Variants in USP7 observed in about 807,000 individuals in gnomAD.
USP7 encodes ubiquitin C-terminal hydrolase 7.
Under a neutral mutation model 162.9 loss-of-function variants are expected in USP7, and 9 were observed. That is an observed-to-expected ratio of 0.06 (90% CI 0.03 to 0.10). USP7 has a LOEUF of 0.10. Among genes scored for constraint, USP7 ranks in the 10% least tolerant of loss-of-function variants. USP7 has a pLI of 1.00. For missense variants in USP7, 715 were observed against 1,373.7 expected (o/e 0.52, Z 7.58); for synonymous variants, 562 against 475.9 (o/e 1.18, Z -2.35).
chr16:8,948,774 A>C (rs2086154), intron 1 of USP7, among the ~76,000 whole-genome samples: 48,921 of 152,058 alleles, frequency 0.32, 9,331 homozygotes, highest in African/African-American at 0.53. Flanking sequence ...CAAGCATGGA[A>C]AACACAGCGA....
chr16:8,899,402 T>C (rs2061740395), intron 22 of USP7: 3 of 784,808 alleles, frequency 3.8e-6, no homozygotes, highest in Non-Finnish European at 6.0e-6. Context: ...TCACTTTTAA[T>C]GGTGAGGTCT....
Position 8,915,599 on chromosome 16 carries a change from T to C in USP7, c.907-74A>G, listed in dbSNP as rs547473434. On this transcript the variant is annotated intron_variant, in intron 8 of 30. Transcript: ENST00000344836. ...TATATACAGTAATTTTATAATTGAC[T>C]AGAAATATCAATGTTCAAAGAAGTT... 21 of 1,275,060 alleles carry C rather than the reference T, an allele frequency of 1.6e-5. No homozygotes were observed. In the African/African-American group the frequency reaches 2.1e-4, roughly 13 times the overall value. 79.0% of individuals were successfully genotyped at this position (1,275,060 alleles called of 1,614,324 possible).
chr16:8,922,012 G>C (rs1035361817), intron 3 of USP7, among the ~76,000 whole-genome samples: 2 of 152,184 alleles, frequency 1.3e-5, no homozygotes, highest in Non-Finnish European at 2.9e-5. Flanking sequence ...TGCTCGGGAC[G>C]CTGACACTGG....
intron 1 of USP7, among the ~76,000 whole-genome samples, chr16:8,949,895 C>T (rs902335419): frequency 1.1e-4 from 17 of 152,174 alleles, no homozygotes; most frequent in African/African-American, 2.2e-4. Context: ...CTTGGCTTTC[C>T]ATATTCTAAA....
At chr16:8,898,256 A>T in intron 25 of USP7, 104 bp downstream of exon 25, 1 of 976,454 alleles carries the variant, frequency 1.0e-6, no homozygotes, top group Non-Finnish European at 1.5e-6. Flanking sequence ...GCTGTTGTTT[A>T]GAGTGTTTTT....
chr16:8,916,421 G>T, intron 8 of USP7, 81 bp downstream of exon 8: 1 of 1,370,586 alleles, frequency 7.3e-7, no homozygotes, highest in Non-Finnish European at 1.0e-6. Context: ...AATTAGGTCT[G>T]AGGTTTTACT....
In USP7 at chr16:8,956,781, A is replaced by C. The variant is rs533920718; in HGVS notation, c.79+6426T>G. Among the ~76,000 whole-genome samples, 634 of 150,502 alleles carry C rather than the reference A, an allele frequency of 4.2e-3. 6 individuals are homozygous for C. The highest frequency in any genetic ancestry group is 0.015 in the African/African-American group (597 of 40,852). On this transcript the variant is annotated intron_variant, in intron 1 of 30. Coordinates refer to ENST00000344836, the MANE Select transcript of USP7 (RefSeq NM_003470.3). The stretch of plus-strand genomic sequence containing the variant: ...TCGTATTAAAAAAACAAAAACAAAA[A>C]AAAAAAAACACTGAATTTGCTTTAC...
At chr16:8,894,975 CCACT>C (rs1444526885) in intron 28 of USP7, 52 bp downstream of exon 28, 28 of 1,613,344 alleles carry the variant, frequency 1.7e-5, no homozygotes, top group Admixed American at 6.7e-5. Flanking sequence ...GCAACAGCGG[CCACT>C]CAAAGGCTCC....
chr16:8,920,501 C>T, intron 4 of USP7, 54 bp from the exon 5 acceptor site: 2 of 1,455,050 alleles, frequency 1.4e-6, no homozygotes, highest in Admixed American at 2.0e-5. Context: ...CATTTTATTC[C>T]CAAGAGACAA....
Position 8,904,538 on chromosome 16 carries a change from T to C in USP7, c.1601A>G (p.His534Arg), listed in dbSNP as rs1054620951. Residue 534 changes from histidine (H) to arginine (R), a missense_variant, in exon 15 of 31, where the codon CAT becomes CGT. His to Arg is a conservative substitution (Grantham distance 29, BLOSUM62 0). Transcript: ENST00000344836. ...LSEVLQAVTD[H>R]DIPQQLVERL... ...CTCCACCAACTGCTGAGGAATATCA[T>C]GGTCGGTGACCGCCTGTAAAACTTC... The C allele has an allele frequency of 2.5e-6, 4 of 1,614,040 alleles. No individual in the cohort carries two copies. Among genetic ancestry groups the C allele is most frequent in the East Asian group, 2.2e-5 (1 of 44,900 alleles).
At chr16:8,912,664 A>G (rs79862794) in intron 10 of USP7, among the ~76,000 whole-genome samples, 120 of 151,788 alleles carry the variant, frequency 7.9e-4, no homozygotes, top group African/African-American at 2.8e-3. Flanking sequence ...AGGGCTGGGC[A>G]TGGTCCCAGC....
chr16:8,904,402 G>C, intron 15 of USP7, 33 bp downstream of exon 15: 1 of 1,610,300 alleles, frequency 6.2e-7, no homozygotes, highest in Non-Finnish European at 8.5e-7. Flanking sequence ...CGGCTGCATG[G>C]TGACCCGGAG....
intron 1 of USP7, among the ~76,000 whole-genome samples, chr16:8,933,633 C>G (rs910882408): frequency 6.6e-6 from 1 of 151,956 alleles, no homozygotes; most frequent in Admixed American, 6.6e-5. Context: ...TTTTTTTCCT[C>G]AAAGAGACAA....
chr16:8,940,206 CGCATCCTATAGCCAGGTCACCTGTCTAG>C (rs1211432058), intron 1 of USP7, among the ~76,000 whole-genome samples: 2 of 152,182 alleles, frequency 1.3e-5, no homozygotes, highest in African/African-American at 4.8e-5. Context: ...TGCCTATCTA[CGCATCCTATAGCCAGGTCACCTGTCTAG>C]GCATCCTACA....
chr16:8,933,613 C>T (rs114733683), intron 1 of USP7, among the ~76,000 whole-genome samples: 7,806 of 152,176 alleles, frequency 0.051, 234 homozygotes, highest in Middle Eastern at 0.14. Context: ...TATGTGTATG[C>T]GCTATCATTT....
At position 8,906,654 on chromosome 16, in the gene USP7, G is replaced by A. The variant is rs1375366330; in HGVS notation, c.1272-72C>T. The stretch of plus-strand genomic sequence containing the variant: ...AAATATCACACTTTACAGTAAGTAA[G>A]GCCATTTAATGTACTGGCTCATCTT... On this transcript the variant is annotated intron_variant, in intron 12 of 30. Coordinates refer to ENST00000344836, the MANE Select transcript of USP7 (RefSeq NM_003470.3). The A allele has an allele frequency of 5.4e-6, 8 of 1,472,752 alleles. No homozygotes were observed. The East Asian group carries it at 7.2e-5, about 13-fold the overall frequency. The allele number at this position is 1,472,752 out of a possible 1,614,324, so 91.2% of individuals were successfully genotyped here. A position where few individuals can be genotyped will look rare whatever the true frequency, so the allele number is the denominator to read the frequency against.
At chr16:8,923,635 ACCATACACTTG>A (rs1897828970) in intron 2 of USP7, among the ~76,000 whole-genome samples, 1 of 152,220 alleles carries the variant, frequency 6.6e-6, no homozygotes, top group Non-Finnish European at 1.5e-5. Flanking sequence ...CAGAGTGCTA[ACCATACACTTG>A]CCATCCCTGT....
intron 6 of USP7, 74 bp from the exon 7 acceptor site, chr16:8,917,230 T>A: frequency 1.4e-6 from 2 of 1,474,712 alleles, no homozygotes; most frequent in Admixed American, 2.4e-5. Context: ...AAGAATTTAA[T>A]CTTCATGTTT....
intron 2 of USP7, among the ~76,000 whole-genome samples, chr16:8,927,542 G>A (rs994274690): frequency 3.9e-5 from 6 of 152,224 alleles, no homozygotes; most frequent in Admixed American, 2.0e-4. Context: ...TTCAGAGGCC[G>A]TATTTGCTCT....
Sources: gnomAD v4.1 joint callset for allele counts (sites outside exome capture counted in the v4.1 genomes callset) on GRCh38, gnomAD v4.1.1 for gene constraint, MANE v1.5 for transcripts, NCBI Gene and HGNC (gene_info 2026-07-23, HGNC 2026-07-21) for gene names.